Variants in HIPK2 observed in about 807,000 individuals in gnomAD.
HIPK2 encodes the protein homeodomain interacting protein kinase 2.
HIPK2 carries 27 observed loss-of-function variants against 113.7 expected under a neutral mutation model. The ratio of observed to expected loss-of-function variants is 0.24; its 90% CI spans 0.17 to 0.33. The LOEUF (loss-of-function observed/expected upper bound fraction) is 0.33. HIPK2 is among the 10% of genes least tolerant of loss of function. The pLI is 1.00. For missense variants in HIPK2, 1,257 were observed against 1,588.0 expected, an observed-to-expected ratio of 0.79 and a Z score of 3.54; for synonymous variants, 631 against 642.2, an observed-to-expected ratio of 0.98 and a Z score of 0.26.
In HIPK2 at chr7:139,714,747, T is replaced by C. The variant is rs1389125195; in HGVS notation, c.1103+1185A>G. Reference sequence around the variant, plus strand: ...TCATGGGAGTTTCAGTTTTGTTTCTTGTGACCTCTATCTCCACTGCACTGT... The same window carrying C: ...TCATGGGAGTTTCAGTTTTGTTTCTCGTGACCTCTATCTCCACTGCACTGT... On this transcript the variant is annotated intron_variant, in intron 2 of 14. Transcript: ENST00000406875. This position sits in a 1 kb window ranked among gnomAD's most constrained non-coding sequence, Gnocchi z 4.2. Among the ~76,000 whole-genome samples the C allele has an allele frequency of 2.6e-5, 4 of 152,182 alleles. No individual in the cohort carries two copies. The highest frequency in any genetic ancestry group is 5.9e-5 in the Non-Finnish European group (4 of 68,028).
chr7:139,729,641 T>A (rs1362305262), intron 1 of HIPK2, among the ~76,000 whole-genome samples: 1 of 152,248 alleles, frequency 6.6e-6, no homozygotes, highest in East Asian at 1.9e-4. Context: ...CAATGGAGGA[T>A]CTCAAGAAGA....
At chr7:139,652,049 C>A (rs1442001032) in intron 2 of HIPK2, among the ~76,000 whole-genome samples, 2 of 152,136 alleles carry the variant, frequency 1.3e-5, no homozygotes, top group East Asian at 3.9e-4. Context: ...CAATAATATA[C>A]CCTTTATTGG....
chr7:139,621,925 G>GAAAAA (rs34446527), intron 6 of HIPK2, among the ~76,000 whole-genome samples: 2 of 75,576 alleles, frequency 2.6e-5, no homozygotes, highest in African/African-American at 4.2e-5. Flanking sequence ...CCTGTCTCAG[G>GAAAAA]AAAAAAAAAA....
chr7:139,763,654 C>T (rs867325792), intron 1 of HIPK2, among the ~76,000 whole-genome samples: 75 of 152,296 alleles, frequency 4.9e-4, no homozygotes, highest in African/African-American at 1.6e-3. Context: ...GCAGTGGAGA[C>T]AGAAATGGAT....
At chr7:139,765,489 A>C (rs1462745257) in intron 1 of HIPK2, among the ~76,000 whole-genome samples, 1 of 152,220 alleles carries the variant, frequency 6.6e-6, no homozygotes, top group Non-Finnish European at 1.5e-5. Flanking sequence ...GTTTGTCTTT[A>C]TCTGCTAAAA....
chr7:139,644,771 G>A (rs1801149540), intron 2 of HIPK2, among the ~76,000 whole-genome samples: 1 of 152,124 alleles, frequency 6.6e-6, no homozygotes, highest in Non-Finnish European at 1.5e-5. Context: ...CACTGGCAAG[G>A]GATTTGGAAT....
At chr7:139,702,893 A>G (rs1007642074) in intron 2 of HIPK2, among the ~76,000 whole-genome samples, 3 of 152,204 alleles carry the variant, frequency 2.0e-5, no homozygotes, top group Admixed American at 2.0e-4. Flanking sequence ...GATGAGCCAC[A>G]TACACAAAAC....
At chr7:139,635,510 C>T (rs1374188409) in intron 2 of HIPK2, among the ~76,000 whole-genome samples, 1 of 152,098 alleles carries the variant, frequency 6.6e-6, no homozygotes, top group East Asian at 1.9e-4. Context: ...CAGGAAACAC[C>T]AGACATAGAT....
At chr7:139,733,234 A>G (rs1052952397) in intron 1 of HIPK2, among the ~76,000 whole-genome samples, 5 of 152,152 alleles carry the variant, frequency 3.3e-5, no homozygotes, top group Non-Finnish European at 7.3e-5. Context: ...TTCTTTATAA[A>G]TTACCCAGAC....
At chr7:139,588,968 G>A (rs559870387) in intron 12 of HIPK2, among the ~76,000 whole-genome samples, 2 of 152,304 alleles carry the variant, frequency 1.3e-5, no homozygotes, top group South Asian at 4.2e-4. Context: ...AGCTACTCCT[G>A]AATGATGAAC....
chr7:139,593,425 G>A lies in HIPK2; in HGVS notation c.2717+3292C>T, dbSNP rs1024019226. ...AACATGCCCTGGAGTTCTTACGAGTGGAGCTGCTGGCCAGCCATCTGCTGT... is the reference window on the plus strand; with the variant it reads ...AACATGCCCTGGAGTTCTTACGAGTAGAGCTGCTGGCCAGCCATCTGCTGT... On this transcript the variant is annotated intron_variant, in intron 12 of 14. Transcript: ENST00000406875. 1.4e-4 allele frequency among the ~76,000 whole-genome samples: 22 copies of A among 152,346 alleles called. No individual in the cohort carries two copies. In the South Asian group the frequency reaches 3.1e-3, roughly 22 times the overall value.
chr7:139,588,626 T>C (rs1798916414), intron 12 of HIPK2, among the ~76,000 whole-genome samples: 1 of 152,044 alleles, frequency 6.6e-6, no homozygotes, highest in Non-Finnish European at 1.5e-5. Flanking sequence ...AGGAGGTCTC[T>C]GAGCTAGGAG....
At chr7:139,699,355 G>GTAAA (rs1794646914) in intron 2 of HIPK2, among the ~76,000 whole-genome samples, 1 of 152,274 alleles carries the variant, frequency 6.6e-6, no homozygotes, top group Admixed American at 6.5e-5. Flanking sequence ...GAAATGGAAA[G>GTAAA]TATTTAAGTG....
Position 139,613,943 on chromosome 7 carries a change from A to G in HIPK2, c.1990+343T>C, listed in dbSNP as rs1436134963. ...ATTGGCAGTTTTCTACAGATAACCC[A>G]CACAGAGGATATTTCATGCGAGGAA... On this transcript the variant is annotated intron_variant, in intron 8 of 14. Coordinates refer to ENST00000406875, the MANE Select transcript of HIPK2 (RefSeq NM_022740.5). This position sits in a 1 kb window ranked among gnomAD's most constrained non-coding sequence, Gnocchi z 4.2. Among the ~76,000 whole-genome samples the G allele has an allele frequency of 6.6e-6, 1 of 152,216 alleles. No individual in the cohort carries two copies. Among genetic ancestry groups the G allele is most frequent in the Non-Finnish European group, 1.5e-5 (1 of 68,034 alleles).
chr7:139,754,539 G>C (rs1048530012), intron 1 of HIPK2, among the ~76,000 whole-genome samples: 3 of 152,232 alleles, frequency 2.0e-5, no homozygotes, highest in African/African-American at 7.2e-5. Flanking sequence ...TATACACATA[G>C]AAAAGCTAAG....
rs1309609715 is a variant in HIPK2 at position 139,596,902 on chromosome 7, C to T, written c.2532G>A (p.Met844Ile). 9 of 1,613,618 alleles carry T rather than the reference C, an allele frequency of 5.6e-6. No individual in the cohort carries two copies. The highest frequency in any genetic ancestry group is 1.7e-4 in the Middle Eastern group (1 of 5,998). ...TGCTGCAGGCCGGGCTACTGTGCAC[C>T]ATGGCACAGCGGGGAGGTGTGTTCT... ...VKENTPPRCA[M>I]VHSSPACSTS... The change falls in exon 12 of 15, where the codon ATG becomes ATA. Residue 844 changes from methionine (M) to isoleucine (I), a missense_variant. Met to Ile is a conservative substitution (Grantham distance 10, BLOSUM62 1). Transcript: ENST00000406875.
rs1001392288 is a variant in HIPK2 at position 139,571,790 on chromosome 7, G to T, written c.*1137C>A. 1.3e-5 allele frequency: 2 copies of T among 152,262 alleles called. No individual in the cohort carries two copies. The highest frequency in any genetic ancestry group is 2.9e-5 in the Non-Finnish European group (2 of 68,054). The allele number at this position is 152,262 out of a possible 1,614,324, so 9.4% of individuals were successfully genotyped here. On this transcript the variant is annotated 3_prime_UTR_variant, in exon 15 of 15. Transcript: ENST00000406875. Reference sequence around the variant, plus strand: ...ACCCTCACGCCGCGTCTGTCGCTCGGTAAGGCACTAGGAGGGAAGGATGCA... The same window carrying T: ...ACCCTCACGCCGCGTCTGTCGCTCGTTAAGGCACTAGGAGGGAAGGATGCA...
chr7:139,692,444 G>A (rs2116791909), intron 2 of HIPK2, among the ~76,000 whole-genome samples: 1 of 152,276 alleles, frequency 6.6e-6, no homozygotes, highest in Non-Finnish European at 1.5e-5. Flanking sequence ...CCTGCACTAT[G>A]TTCCCACATC....
intron 1 of HIPK2, among the ~76,000 whole-genome samples, chr7:139,753,069 T>C (rs545473787): frequency 6.6e-6 from 1 of 152,204 alleles, no homozygotes; most frequent in Non-Finnish European, 1.5e-5. Context: ...TGTCCCTCTT[T>C]ACAGTAGTCA....
Sources: gnomAD v4.1 joint callset for allele counts (sites outside exome capture counted in the v4.1 genomes callset) on GRCh38, gnomAD v4.1.1 for gene constraint, Gnocchi (gnomAD v3.1) non-coding constraint, MANE v1.5 for transcripts, NCBI Gene and HGNC (gene_info 2026-07-23, HGNC 2026-07-21) for gene names.